The following PTPDC1 variants were observed in gnomAD, a reference collection of about 807,000 sequenced individuals.
PTPDC1 encodes the protein protein tyrosine phosphatase domain containing 1.
Under a neutral mutation model 75.3 loss-of-function variants are expected in PTPDC1, and 53 were observed. The ratio of observed to expected loss-of-function variants is 0.70; its 90% confidence interval spans 0.56 to 0.88. The LOEUF is 0.88. Ranked by LOEUF, PTPDC1 falls within the 40% of genes least tolerant of loss-of-function variation. The pLI, the probability that PTPDC1 is intolerant of heterozygous loss-of-function variation, is 0.00. For missense variants in PTPDC1, 925 were observed against 998.6 expected (o/e 0.93, Z 0.99); for synonymous variants, 349 against 366.2 (o/e 0.95, Z 0.54).
At position 94,097,313 on chromosome 9, in the gene PTPDC1, C is replaced by T. The variant is rs1564032892; in HGVS notation, c.755-8C>T. On this transcript the variant is annotated splice_polypyrimidine_tract_variant and splice_region_variant and intron_variant, in intron 5 of 8. Coordinates refer to ENST00000620992, the MANE Select transcript of PTPDC1 (RefSeq NM_001253829.2). ...TCTCATACCAGTCTTCTCTTCTTCA[C>T]TGTTTAGGTGTTTTAATAGCCTGTT... 6 of 1,551,640 alleles carry T rather than the reference C, an allele frequency of 3.9e-6. No homozygotes were observed. The highest frequency in any genetic ancestry group is 1.2e-5 in the South Asian group (1 of 83,776).
At chr9:94,089,302 T>A (rs1827200110) in intron 4 of PTPDC1, among the ~76,000 whole-genome samples, 1 of 149,658 alleles carries the variant, frequency 6.7e-6, no homozygotes, top group South Asian at 2.1e-4. Context: ...ATTGTTCAAT[T>A]CCCACCTATG....
intron 8 of PTPDC1, among the ~76,000 whole-genome samples, chr9:94,104,832 TA>T (rs773063135): frequency 2.0e-5 from 3 of 151,830 alleles, no homozygotes; most frequent in African/African-American, 4.8e-5. Context: ...AGGAAAGAGT[TA>T]AAAAAAAGGT....
intron 2 of PTPDC1, among the ~76,000 whole-genome samples, chr9:94,075,386 C>T (rs1826650306): frequency 6.6e-6 from 1 of 152,176 alleles, no homozygotes; most frequent in Non-Finnish European, 1.5e-5. Flanking sequence ...GATAGATGAT[C>T]AGCTCCCTCT....
chr9:94,051,439 A>G (rs562042839), intron 1 of PTPDC1, among the ~76,000 whole-genome samples: 1 of 152,276 alleles, frequency 6.6e-6, no homozygotes, highest in Admixed American at 6.5e-5. Flanking sequence ...GAAATTCTTT[A>G]TCTAGTTTTG....
At chr9:94,104,870 G>A (rs1311728573) in intron 8 of PTPDC1, among the ~76,000 whole-genome samples, 1 of 152,188 alleles carries the variant, frequency 6.6e-6, no homozygotes, top group Admixed American at 6.5e-5. Flanking sequence ...CATCCTTTTG[G>A]ATGCAGCAGT....
In PTPDC1 at chr9:94,108,469, T is replaced by C. The variant is rs1828099583; in HGVS notation, c.*525T>C. 6.5e-6 allele frequency: 1 copy of C among 152,694 alleles called. No homozygotes were observed. The highest frequency in any genetic ancestry group is 2.4e-5 in the African/African-American group (1 of 41,472). The allele number at this position is 152,694 out of a possible 1,614,324, so 9.5% of individuals were successfully genotyped here. ...TATTTTTAAAGGTTTCTTTTTTAAC[T>C]TTGAAATTTTTTGTTTTTCCTTTTC... is the stretch of plus-strand genomic sequence containing the variant. On this transcript the variant is annotated 3_prime_UTR_variant, in exon 9 of 9. Coordinates refer to ENST00000620992, the MANE Select transcript of PTPDC1 (RefSeq NM_001253829.2).
chr9:94,061,743 C>T (rs1251530838), intron 1 of PTPDC1, among the ~76,000 whole-genome samples: 2 of 152,206 alleles, frequency 1.3e-5, no homozygotes, highest in Non-Finnish European at 2.9e-5. Flanking sequence ...GTGCAGGGAG[C>T]AGTGTCCTGG....
intron 8 of PTPDC1, among the ~76,000 whole-genome samples, chr9:94,107,441 A>T (rs1426469022): frequency 6.6e-6 from 1 of 152,246 alleles, no homozygotes. Context: ...GACCCTGTCC[A>T]GAGTGGCCGT....
rs1381808294 is a variant in PTPDC1 at position 94,087,844 on chromosome 9, A to C, written c.430A>C (p.Ile144Leu). 6.2e-7 allele frequency: 1 copy of C among 1,613,598 alleles called. No homozygotes were observed. The highest frequency in any genetic ancestry group is 8.5e-7 in the Non-Finnish European group (1 of 1,179,616). Residue 144 changes from isoleucine to leucine, a missense_variant, in exon 3 of 9, where the codon ATA becomes CTA. Physicochemically the swap from Ile to Leu is conservative, Grantham distance 5 (BLOSUM62 2). Transcript: ENST00000620992. Reference protein sequence around the residue: ...GVYSSWVTDNILAMARPSSEL... With the variant: ...GVYSSWVTDNLLAMARPSSEL... ...ACCTATTTGCAGGGTCACTGATAAT[A>C]TACTGGCCATGGCCCGCCCATCCTC...
intron 1 of PTPDC1, among the ~76,000 whole-genome samples, chr9:94,049,471 G>A (rs1825719297): frequency 6.6e-6 from 1 of 152,158 alleles, no homozygotes; most frequent in African/African-American, 2.4e-5. Context: ...CTTCACTTAT[G>A]AAGCTTAGTT....
At chr9:94,036,155 A>T (rs1013494385) in intron 1 of PTPDC1, among the ~76,000 whole-genome samples, 2 of 147,130 alleles carry the variant, frequency 1.4e-5, no homozygotes, top group African/African-American at 2.5e-5. Context: ...CATTTTGTTG[A>T]TTCTTCCCTT....
chr9:94,044,726 C>CTTTTTTTTTTTTTTT (rs71511684), intron 1 of PTPDC1, among the ~76,000 whole-genome samples: 1 of 147,338 alleles, frequency 6.8e-6, no homozygotes. Flanking sequence ...ATACCTTTCT[C>CTTTTTTTTTTTTTTT]TTTTTTTTTT....
At chr9:94,085,522 T>C in intron 2 of PTPDC1, 100 bp downstream of exon 2, 1 of 1,317,722 alleles carries the variant, frequency 7.6e-7, no homozygotes, top group Non-Finnish European at 1.1e-6. Context: ...GTGTGGGACT[T>C]TGAAGTCAGG....
At chr9:94,038,154 G>T (rs967844122) in intron 1 of PTPDC1, 29 of 640,960 alleles carry the variant, frequency 4.5e-5, no homozygotes, top group Non-Finnish European at 6.6e-5. Flanking sequence ...CAGAAGACAG[G>T]TCAGGCCGTT....
chr9:94,064,281 C>G (rs971789892), intron 1 of PTPDC1, among the ~76,000 whole-genome samples: 11 of 152,210 alleles, frequency 7.2e-5, no homozygotes, highest in African/African-American at 2.7e-4. Context: ...ATCCTACTGA[C>G]ATGACTTCTA....
chr9:94,072,880 G>A (rs2117911582), intron 2 of PTPDC1, among the ~76,000 whole-genome samples: 1 of 152,234 alleles, frequency 6.6e-6, no homozygotes, highest in South Asian at 2.1e-4. Flanking sequence ...TCATTTGGTA[G>A]TGGTGTATAA....
intron 4 of PTPDC1, among the ~76,000 whole-genome samples, chr9:94,091,425 G>A (rs1368939902): frequency 6.6e-6 from 1 of 151,984 alleles, no homozygotes; most frequent in African/African-American, 2.4e-5. Flanking sequence ...GCATCCCAGG[G>A]ATGAAGCCCA....
chr9:94,071,423 AC>A (rs1378432873), intron 2 of PTPDC1, among the ~76,000 whole-genome samples: 2 of 152,106 alleles, frequency 1.3e-5, no homozygotes, highest in African/African-American at 4.8e-5. Flanking sequence ...GTTTGCAGAT[AC>A]ATTCTCCCAC....
chr9:94,066,333 T>C (rs528773804), intron 2 of PTPDC1, among the ~76,000 whole-genome samples: 1 of 152,344 alleles, frequency 6.6e-6, no homozygotes, highest in East Asian at 1.9e-4. Context: ...GCTTTATAGC[T>C]AATTTTATTA....
Sources: gnomAD v4.1 joint callset for allele counts (sites outside exome capture counted in the v4.1 genomes callset) on GRCh38, gnomAD v4.1.1 for gene constraint, MANE v1.5 for transcripts, NCBI Gene and HGNC (gene_info 2026-07-23, HGNC 2026-07-21) for gene names.